Variants in TRAIP observed in about 807,000 individuals in gnomAD.
The protein encoded by TRAIP is TRAF interacting protein, also known as E3 ubiquitin-protein ligase TRAIP.
A neutral mutation model predicts 65.0 loss-of-function variants in TRAIP; 37 were observed. The observed-to-expected ratio is 0.57, with a 90% CI of 0.44 to 0.75. TRAIP has a LOEUF of 0.75. Among genes scored for constraint, TRAIP ranks in the 30% least tolerant of loss-of-function variants. The probability of loss-of-function intolerance (pLI) is 0.00; values close to 1 mark genes in which losing one functional copy is unlikely to be tolerated. For missense variants in TRAIP, 481 were observed against 579.4 expected, an observed-to-expected ratio of 0.83 and a Z score of 1.74; for synonymous variants, 187 against 219.1, an observed-to-expected ratio of 0.85 and a Z score of 1.29.
intron 9 of TRAIP, 67 bp from the exon 10 acceptor site, chr3:49,839,927 G>T: frequency 6.7e-7 from 1 of 1,490,040 alleles, no homozygotes; most frequent in Non-Finnish European, 9.4e-7. Flanking sequence ...TAATGCAGAG[G>T]ACATGAGCAG....
chr3:49,843,606 T>C (rs1480906565), intron 5 of TRAIP, 195 bp downstream of exon 5: 2 of 661,346 alleles, frequency 3.0e-6, no homozygotes, highest in East Asian at 5.2e-5. Flanking sequence ...GTATAGCCAA[T>C]ATGGCCCTTT....
intron 3 of TRAIP, among the ~76,000 whole-genome samples, chr3:49,845,112 T>G (rs548250829): frequency 6.6e-6 from 1 of 152,354 alleles, no homozygotes; most frequent in East Asian, 1.9e-4. Context: ...TGGAGGTAGC[T>G]ATGCCAGGAC....
At chr3:49,854,661 T>G (rs1478947452) in intron 1 of TRAIP, among the ~76,000 whole-genome samples, 1 of 152,178 alleles carries the variant, frequency 6.6e-6, no homozygotes, top group Non-Finnish European at 1.5e-5. Context: ...GACAATATGT[T>G]TACTCTTTAT....
At chr3:49,846,518 G>A (rs891820777) in intron 3 of TRAIP, among the ~76,000 whole-genome samples, 3 of 152,158 alleles carry the variant, frequency 2.0e-5, no homozygotes, top group Admixed American at 1.3e-4. Flanking sequence ...AAAAGATGAG[G>A]AGACAAGACC....
intron 8 of TRAIP, 86 bp downstream of exon 8, chr3:49,840,899 G>T (rs1230832454): frequency 4.7e-6 from 6 of 1,286,684 alleles, no homozygotes; most frequent in Non-Finnish European, 5.6e-6. Context: ...GTGCCATCAG[G>T]TCCCATGGCC....
chr3:49,850,810 A>C (rs1575399871), intron 1 of TRAIP, among the ~76,000 whole-genome samples: 1 of 151,556 alleles, frequency 6.6e-6, no homozygotes, highest in East Asian at 2.0e-4. Context: ...GCACGCCACC[A>C]TGCCCAGCTC....
At position 49,829,442 on chromosome 3, in the gene TRAIP, C is replaced by T. The variant is rs915454142; in HGVS notation, c.1287+16G>A. 3 of 1,614,010 alleles carry T rather than the reference C, an allele frequency of 1.9e-6. No homozygotes were observed. In the African/African-American group the frequency reaches 4.0e-5, roughly 22 times the overall value. On this transcript the variant is annotated intron_variant, in intron 14 of 14. Coordinates refer to ENST00000331456, the MANE Select transcript of TRAIP (RefSeq NM_005879.3). ...TCCACAGTTCAGCTCAGCTCAACAT[C>T]ACAGGAAAAGGATACAGGCTGGATG...
At chr3:49,844,151 C>G (rs1471064430) in intron 4 of TRAIP, 1 of 614,444 alleles carries the variant, frequency 1.6e-6, no homozygotes, top group Non-Finnish European at 2.8e-6. Context: ...GCTTGAACTA[C>G]TTAGGAAAAT....
rs1266069521 is a variant in TRAIP, at chr3:49,847,415, G to GAAA, written c.240+109_240+110insTTT. 534 of 743,530 alleles carry GAAA rather than the reference G, an allele frequency of 7.2e-4. 4 individuals carry two copies. In the African/African-American group the frequency reaches 9.2e-3, roughly 13 times the overall value. The allele number at this position is 743,530 out of a possible 1,614,324, so 46.1% of individuals were successfully genotyped here. A position where few individuals can be genotyped will look rare whatever the true frequency, so the allele number is the denominator to read the frequency against. On this transcript the variant is annotated intron_variant, in intron 3 of 14. Coordinates refer to ENST00000331456, the MANE Select transcript of TRAIP (RefSeq NM_005879.3). ...GAAAAGAAAAGAAAAGAAAAGAAAA[G>GAAA]AGAAAAGAGAAGAGAAGAGAAGAGA... is the stretch of plus-strand genomic sequence containing the variant.
chr3:49,848,011 G>C, intron 2 of TRAIP, 132 bp downstream of exon 2: 1 of 961,784 alleles, frequency 1.0e-6, no homozygotes, highest in Non-Finnish European at 1.6e-6. Flanking sequence ...GCACAAGTGA[G>C]GCTCAACTGG....
intron 1 of TRAIP, 79 bp from the exon 2 acceptor site, chr3:49,848,279 G>A (rs753255959): frequency 7.6e-5 from 112 of 1,480,640 alleles, no homozygotes; most frequent in African/African-American, 2.1e-4. Flanking sequence ...TTCTGACCAC[G>A]AAAGGGTCTG....
chr3:49,841,865 G>A lies in TRAIP; in HGVS notation c.578C>T (p.Ala193Val), dbSNP rs746955415. The A allele has an allele frequency of 7.4e-6, 12 of 1,614,080 alleles. No individual in the cohort carries two copies. Among genetic ancestry groups the A allele is most frequent in the East Asian group, 2.2e-5 (1 of 44,898 alleles). ...ACAGTACACAGCCAGCTGTTCCACC[G>A]CTGACTGTCCCACACCCATGTCTCG... Reference protein sequence around the residue: ...MIRDMGVGQSAVEQLAVYCVS... With the variant: ...MIRDMGVGQSVVEQLAVYCVS... Residue 193 changes from alanine (A) to valine (V), a missense_variant, in exon 7 of 15, where the codon GCG (alanine) becomes GTG (valine). Ala to Val is a moderately conservative substitution (Grantham distance 64). Coordinates refer to ENST00000331456, the MANE Select transcript of TRAIP (RefSeq NM_005879.3).
At chr3:49,843,744 C>T (rs752515937) in intron 5 of TRAIP, 57 bp downstream of exon 5, 41 of 1,581,198 alleles carry the variant, frequency 2.6e-5, no homozygotes, top group Non-Finnish European at 3.4e-5. Context: ...ATGGGGAGTC[C>T]AGTTCTGGGG....
intron 12 of TRAIP, 121 bp downstream of exon 12, chr3:49,829,899 A>G (rs748826057): frequency 6.3e-5 from 100 of 1,578,262 alleles, no homozygotes; most frequent in Admixed American, 3.4e-5. Flanking sequence ...TAGAATCCCA[A>G]GGGTGGCTCC....
chr3:49,838,379 G>T (rs2081805926), intron 10 of TRAIP, among the ~76,000 whole-genome samples: 1 of 152,216 alleles, frequency 6.6e-6, no homozygotes, highest in South Asian at 2.1e-4. Context: ...TCAGAATGAG[G>T]TGGGCCCGTC....
In TRAIP at chr3:49,829,793, T is replaced by C. The variant is rs2081716502; in HGVS notation, c.1087-27A>G. The C allele has an allele frequency of 2.5e-6, 4 of 1,612,954 alleles. No individual in the cohort carries two copies. The African/African-American group carries it at 5.3e-5, about 22-fold the overall frequency. On this transcript the variant is annotated intron_variant, in intron 12 of 14. Coordinates refer to ENST00000331456, the MANE Select transcript of TRAIP (RefSeq NM_005879.3). Reference sequence around the variant, plus strand: ...TGCAGGGAAGACCCCAGGGCCAGACTTGATGAGCTGGATGTCAGCAAAGGA... The same window carrying C: ...TGCAGGGAAGACCCCAGGGCCAGACCTGATGAGCTGGATGTCAGCAAAGGA...
intron 1 of TRAIP, among the ~76,000 whole-genome samples, chr3:49,853,037 G>A (rs1380371145): frequency 6.6e-6 from 1 of 151,446 alleles, no homozygotes; most frequent in Non-Finnish European, 1.5e-5. Context: ...CAGGAGAATT[G>A]CTTGAACCAG....
At chr3:49,855,658 T>G (rs2081964153) in intron 1 of TRAIP, among the ~76,000 whole-genome samples, 1 of 152,214 alleles carries the variant, frequency 6.6e-6, no homozygotes, top group Admixed American at 6.5e-5. Context: ...GTGTCATGCC[T>G]GCCTTTCTGC....
At chr3:49,846,805 A>G (rs2081886686) in intron 3 of TRAIP, among the ~76,000 whole-genome samples, 1 of 152,138 alleles carries the variant, frequency 6.6e-6, no homozygotes, top group East Asian at 1.9e-4. Context: ...TTGGGAGGCC[A>G]AGGTGGGAGG....
Sources: gnomAD v4.1 joint callset for allele counts (sites outside exome capture counted in the v4.1 genomes callset) on GRCh38, gnomAD v4.1.1 for gene constraint, MANE v1.5 for transcripts, NCBI Gene and HGNC (gene_info 2026-07-23, HGNC 2026-07-21) for gene names.